BID: variants seen among roughly 807,000 people sequenced by gnomAD.
BID encodes BH3 interacting domain death agonist, also known as BH3-interacting domain death agonist.
BID carries 19 observed loss-of-function variants against 17.4 expected under a neutral mutation model. That is an observed-to-expected ratio of 1.09 (90% CI 0.76 to 1.60). The LOEUF (loss-of-function observed/expected upper bound fraction) is 1.60. Ranked by LOEUF, BID falls within the 40% of genes most tolerant of loss-of-function variation. The pLI is 0.00. For missense variants in BID, 226 were observed against 256.0 expected (o/e 0.88, Z 0.80); for synonymous variants, 108 against 102.8 (o/e 1.05, Z -0.31).
At chr22:17,749,818 G>T (rs1182650463) in intron 2 of BID, among the ~76,000 whole-genome samples, 1 of 152,206 alleles carries the variant, frequency 6.6e-6, no homozygotes, top group Non-Finnish European at 1.5e-5. Context: ...GCTGTTAAAT[G>T]GTCTTAAACC....
chr22:17,757,480 G>C (rs182298576), intron 1 of BID, among the ~76,000 whole-genome samples: 16 of 151,156 alleles, frequency 1.1e-4, no homozygotes, highest in African/African-American at 3.6e-4. Context: ...AGGCCGAGGC[G>C]GGCGGATCAC....
rs565336629 is a variant in BID at position 17,760,619 on chromosome 22, T to G, written c.-58-10445A>C. Among the ~76,000 whole-genome samples the G allele has an allele frequency of 7.9e-5, 12 of 152,204 alleles. No homozygotes were observed. The South Asian group carries it at 2.5e-3, about 32-fold the overall frequency. Reference sequence around the variant, plus strand: ...TTCCAAGCAAACCACCACAATTCAGTTCCCTCAGCAGCCCGTCGCACTCTG... The same window carrying G: ...TTCCAAGCAAACCACCACAATTCAGGTCCCTCAGCAGCCCGTCGCACTCTG... On this transcript the variant is annotated intron_variant, in intron 1 of 5. Transcript: ENST00000622694.
chr22:17,745,423 G>A (rs1194736468), intron 2 of BID, among the ~76,000 whole-genome samples: 1 of 152,142 alleles, frequency 6.6e-6, no homozygotes, highest in Non-Finnish European at 1.5e-5. Flanking sequence ...CACTCTGGGA[G>A]GCAGAGGCAG....
intron 2 of BID, among the ~76,000 whole-genome samples, chr22:17,749,317 C>T (rs1388986276): frequency 6.6e-6 from 1 of 152,138 alleles, no homozygotes; most frequent in Non-Finnish European, 1.5e-5. Flanking sequence ...AAGGCGGGGG[C>T]TCCGGGCTCC....
chr22:17,744,383 G>T (rs8190311), intron 2 of BID, among the ~76,000 whole-genome samples: 5,363 of 152,328 alleles, frequency 0.035, 155 homozygotes, highest in East Asian at 0.085. Flanking sequence ...ATCCTGTGCT[G>T]GCACGCTTTC....
At position 17,761,593 on chromosome 22, in the gene BID, G is replaced by A. The variant is rs553120895; in HGVS notation, c.-58-11419C>T. On this transcript the variant is annotated intron_variant, in intron 1 of 5. Transcript: ENST00000622694. ...ACTACAGGCGCCCGCCACCACGCCC[G>A]GCTAATTTTTTGTATTTTTAGTGGA... 2.4e-3 allele frequency among the ~76,000 whole-genome samples: 371 copies of A among 152,032 alleles called. 1 individual carries two copies. Among genetic ancestry groups the A allele is most frequent in the African/African-American group, 8.3e-3 (346 of 41,466 alleles).
In BID at chr22:17,739,390, C is replaced by G; in HGVS notation, c.322G>C (p.Gly108Arg). 6.2e-7 allele frequency: 1 copy of G among 1,607,712 alleles called. No individual in the cohort carries two copies. Residue 108 changes from glycine to arginine, a missense_variant, in exon 4 of 6, where the codon GGC (glycine) becomes CGC (arginine). Coordinates refer to ENST00000622694, the MANE Select transcript of BID (RefSeq NM_001196.4). ...GTGTTCCTGAGCTGCAGGGCCAGGCCGTTCACCAGGCCCGGAGGGATGCTA... is the reference window on the plus strand; with the variant it reads ...GTGTTCCTGAGCTGCAGGGCCAGGCGGTTCACCAGGCCCGGAGGGATGCTA... ...DRSIPPGLVNGLALQLRNTSR... is the reference protein window; with the variant it reads ...DRSIPPGLVNRLALQLRNTSR...
chr22:17,759,315 T>C (rs2061619362), intron 1 of BID, among the ~76,000 whole-genome samples: 1 of 151,056 alleles, frequency 6.6e-6, no homozygotes, highest in African/African-American at 2.4e-5. Flanking sequence ...TCCTAGCATT[T>C]TGGGAGGCCA....
At chr22:17,766,231 A>G (rs2145919107) in intron 1 of BID, among the ~76,000 whole-genome samples, 1 of 151,606 alleles carries the variant, frequency 6.6e-6, no homozygotes, top group East Asian at 1.9e-4. Context: ...GCCTGAACTT[A>G]AGATTCTTAA....
chr22:17,736,761 A>G (rs922906588), intron 5 of BID, among the ~76,000 whole-genome samples: 3 of 151,122 alleles, frequency 2.0e-5, no homozygotes, highest in African/African-American at 7.3e-5. Context: ...AGCTGCCTCA[A>G]CCTCCATGAC....
chr22:17,757,552 CA>C (rs1298190158), intron 1 of BID, among the ~76,000 whole-genome samples: 8 of 150,944 alleles, frequency 5.3e-5, no homozygotes, highest in South Asian at 2.1e-4. Context: ...ACTAAAAATA[CA>C]AAAAAATTAG....
intron 1 of BID, among the ~76,000 whole-genome samples, chr22:17,762,963 G>A (rs1260575921): frequency 4.0e-5 from 6 of 151,678 alleles, no homozygotes; most frequent in East Asian, 1.9e-4. Context: ...TACATCCTCC[G>A]CCTCCCAGGC....
intron 1 of BID, among the ~76,000 whole-genome samples, chr22:17,768,457 C>T (rs963506888): frequency 6.6e-6 from 1 of 152,218 alleles, no homozygotes; most frequent in African/African-American, 2.4e-5. Context: ...CCCTGGGCTT[C>T]TGGGTGGGGC....
rs761401208 is a variant in BID at position 17,773,699 on chromosome 22, TTGAA to T, written c.-59+678_-59+681del. 2 of 1,607,906 alleles carry T rather than the reference TTGAA, an allele frequency of 1.2e-6. No individual in the cohort carries two copies. The highest frequency in any genetic ancestry group is 8.5e-7 in the Non-Finnish European group (1 of 1,179,692). On this transcript the variant is annotated intron_variant, in intron 1 of 5. Coordinates refer to ENST00000622694, the MANE Select transcript of BID (RefSeq NM_001196.4). The surrounding 1 kb of genome is among the most constrained non-coding windows in gnomAD (Gnocchi z 4.4). ...CAGCACCGCTGCACATTCGTATTTG[TTGAA>T]TGAATGAATGAACCCTTGCCAGCCC...
At chr22:17,737,936 G>T in intron 5 of BID, 81 bp downstream of exon 5, 1 of 1,478,304 alleles carries the variant, frequency 6.8e-7, no homozygotes, top group Non-Finnish European at 9.4e-7. Flanking sequence ...CAGAGGCAGG[G>T]GCCCCGCTGG....
Position 17,750,178 on chromosome 22 carries a change from G to C in BID, c.-58-4C>G. On this transcript the variant is annotated splice_polypyrimidine_tract_variant and splice_region_variant and intron_variant, in intron 1 of 5. Transcript: ENST00000622694. ...TTCACAGTGTCCCAGTGGCGACCTG[G>C]AAAGGGACACACAGAGTGGGCGGCC... The C allele has an allele frequency of 6.2e-7, 1 of 1,612,026 alleles. No homozygotes were observed. Among genetic ancestry groups the C allele is most frequent in the African/African-American group, 1.3e-5 (1 of 75,046 alleles).
chr22:17,737,297 G>C (rs2061427032), intron 5 of BID, among the ~76,000 whole-genome samples: 1 of 152,048 alleles, frequency 6.6e-6, no homozygotes, highest in Non-Finnish European at 1.5e-5. Flanking sequence ...ATGTGCTCTG[G>C]AAAAGATTTC....
intron 1 of BID, among the ~76,000 whole-genome samples, chr22:17,767,827 G>A (rs2061689783): frequency 2.0e-5 from 3 of 152,086 alleles, no homozygotes; most frequent in Admixed American, 2.0e-4. Flanking sequence ...TGGTAGCCAA[G>A]AAAAGGCCAG....
chr22:17,774,074 A>C, intron 1 of BID: 6 of 314,694 alleles, frequency 1.9e-5, no homozygotes, highest in East Asian at 9.3e-5. Context: ...CCTCCCCTGA[A>C]TCCCCAGGCC....
Sources: gnomAD v4.1 joint callset for allele counts (sites outside exome capture counted in the v4.1 genomes callset) on GRCh38, gnomAD v4.1.1 for gene constraint, Gnocchi (gnomAD v3.1) non-coding constraint, MANE v1.5 for transcripts, NCBI Gene and HGNC (gene_info 2026-07-23, HGNC 2026-07-21) for gene names.